BORCS5: variants seen among roughly 807,000 people sequenced by gnomAD.
The protein encoded by BORCS5 is BLOC-1-related complex subunit 5.
In BORCS5, 17 loss-of-function variants were observed where a neutral mutation model predicts 22.1. The observed-to-expected ratio is 0.77, with a 90% CI of 0.53 to 1.15. The LOEUF (loss-of-function observed/expected upper bound fraction) is 1.15, where lower values mean the gene tolerates loss of function less well. Among genes scored for constraint, BORCS5 ranks in the 50% most tolerant of loss-of-function variants. The pLI is 0.00. For synonymous variants in BORCS5, 117 were observed against 99.8 expected, an observed-to-expected ratio of 1.17 and a Z score of -1.03; for missense variants, 247 against 253.2, an observed-to-expected ratio of 0.98 and a Z score of 0.17.
In BORCS5 at chr12:12,390,621, C is replaced by CTT. The variant is rs35168426; in HGVS notation, c.202+29283_202+29284dup. Among the ~76,000 whole-genome samples, 875 of 144,134 alleles carry CTT rather than the reference C, an allele frequency of 6.1e-3. 9 individuals carry two copies. Among genetic ancestry groups the CTT allele is most frequent in the African/African-American group, 0.016 (631 of 39,044 alleles). 94.6% of individuals were successfully genotyped at this position (144,134 alleles called of 152,430 possible). On this transcript the variant is annotated intron_variant, in intron 2 of 3. Coordinates refer to ENST00000314565, the MANE Select transcript of BORCS5 (RefSeq NM_058169.6). The stretch of plus-strand genomic sequence containing the variant: ...GGTCAACATAGCAAGACCTTATCTC[C>CTT]TTTTTTTTTTTTGACCTTATCTCAA...
At chr12:12,368,622 T>TTA (rs61705812) in intron 2 of BORCS5, among the ~76,000 whole-genome samples, 3 of 149,672 alleles carry the variant, frequency 2.0e-5, no homozygotes, top group African/African-American at 7.5e-5. Flanking sequence ...TTTTTTTTTT[T>TTA]AATTTAGAGA....
chr12:12,370,863 C>G (rs1374293637), intron 2 of BORCS5, among the ~76,000 whole-genome samples: 1 of 152,026 alleles, frequency 6.6e-6, no homozygotes, highest in Non-Finnish European at 1.5e-5. Context: ...ATTCTCCTGC[C>G]TCAGCCTGCC....
chr12:12,411,561 G>A (rs945478992), intron 2 of BORCS5, among the ~76,000 whole-genome samples: 2 of 152,030 alleles, frequency 1.3e-5, no homozygotes. Flanking sequence ...TTTGTGGGCT[G>A]CCTTTTTACT....
chr12:12,407,714 T>G (rs1182704852), intron 2 of BORCS5, among the ~76,000 whole-genome samples: 1 of 150,940 alleles, frequency 6.6e-6, no homozygotes, highest in South Asian at 2.1e-4. Context: ...TTTTGTTTTT[T>G]TTTTTTTTTG....
chr12:12,452,060 C>A (rs1268318572), intron 3 of BORCS5: 2 of 424,070 alleles, frequency 4.7e-6, no homozygotes, highest in Non-Finnish European at 9.1e-6. Context: ...ACTTACGTGA[C>A]TTTCCCCCCT....
At chr12:12,440,264 A>T (rs985549966) in intron 3 of BORCS5, among the ~76,000 whole-genome samples, 4 of 152,216 alleles carry the variant, frequency 2.6e-5, no homozygotes, top group Admixed American at 2.6e-4. Flanking sequence ...TGTGTATGTG[A>T]GGGAGAAGAA....
chr12:12,401,954 T>C (rs1941488917), intron 2 of BORCS5, among the ~76,000 whole-genome samples: 2 of 150,988 alleles, frequency 1.3e-5, no homozygotes, highest in South Asian at 4.2e-4. Context: ...TAGTCCCAGC[T>C]ACTCAGGAGG....
chr12:12,406,301 TGTGTGG>T (rs1941593384), intron 2 of BORCS5, among the ~76,000 whole-genome samples: 1 of 152,236 alleles, frequency 6.6e-6, no homozygotes, highest in Admixed American at 6.5e-5. Context: ...GTAGACTTCG[TGTGTGG>T]AAAAGTTAGT....
At position 12,466,857 on chromosome 12, in the gene BORCS5, A is replaced by G. The variant is rs1215556296; in HGVS notation, c.*1081A>G. 1 of 152,206 alleles carries G rather than the reference A, an allele frequency of 6.6e-6. No homozygotes were observed. The highest frequency in any genetic ancestry group is 6.5e-5 in the Admixed American group (1 of 15,284). 9.4% of individuals were successfully genotyped at this position (152,206 alleles called of 1,614,324 possible). A position where few individuals can be genotyped will look rare whatever the true frequency, so the allele number is the denominator to read the frequency against. ...CGGGAGGTGTGTTTTCAGATACCAGAAAGAGCCTTCAGTAGATTCACAAGA... is the reference window on the plus strand; with the variant it reads ...CGGGAGGTGTGTTTTCAGATACCAGGAAGAGCCTTCAGTAGATTCACAAGA... On this transcript the variant is annotated 3_prime_UTR_variant, in exon 4 of 4. Transcript: ENST00000314565.
chr12:12,368,255 C>T (rs1049641897), intron 2 of BORCS5, among the ~76,000 whole-genome samples: 1 of 151,480 alleles, frequency 6.6e-6, no homozygotes, highest in African/African-American at 2.4e-5. Flanking sequence ...TTTATGATAC[C>T]TCCCCACCCA....
chr12:12,457,428 G>C (rs1048983252), intron 3 of BORCS5, among the ~76,000 whole-genome samples: 7 of 152,244 alleles, frequency 4.6e-5, no homozygotes, highest in African/African-American at 1.7e-4. Flanking sequence ...CCAGCACTTT[G>C]GGAGGCCGAG....
intron 2 of BORCS5, among the ~76,000 whole-genome samples, chr12:12,406,478 T>G (rs1941597909): frequency 6.6e-6 from 1 of 152,224 alleles, no homozygotes; most frequent in East Asian, 1.9e-4. Flanking sequence ...GAACCCATGA[T>G]GAGTTAACAC....
chr12:12,451,779 G>A (rs945350252), intron 3 of BORCS5, among the ~76,000 whole-genome samples: 2 of 151,834 alleles, frequency 1.3e-5, no homozygotes, highest in Non-Finnish European at 1.5e-5. Flanking sequence ...TTAGCTGGGC[G>A]TGGTGGCGCT....
chr12:12,412,583 C>A (rs958582190), intron 2 of BORCS5, among the ~76,000 whole-genome samples: 2 of 152,046 alleles, frequency 1.3e-5, no homozygotes, highest in African/African-American at 4.8e-5. Context: ...AATTTAACTT[C>A]TTTCTTTCTA....
At chr12:12,464,253 C>A (rs1030169029) in intron 3 of BORCS5, among the ~76,000 whole-genome samples, 1 of 151,994 alleles carries the variant, frequency 6.6e-6, no homozygotes, top group Non-Finnish European at 1.5e-5. Flanking sequence ...AGCTGCTCCT[C>A]CTGCCCTGCA....
At chr12:12,455,806 T>G (rs1482485140) in intron 3 of BORCS5, among the ~76,000 whole-genome samples, 2 of 151,318 alleles carry the variant, frequency 1.3e-5, no homozygotes, top group African/African-American at 4.9e-5. Context: ...CAGTCTTGAT[T>G]AAGTCCATAT....
chr12:12,417,987 CATTTATTT>C (rs144698905), intron 2 of BORCS5, among the ~76,000 whole-genome samples: 63,962 of 138,328 alleles, frequency 0.46, 15,871 homozygotes, highest in Middle Eastern at 0.54. Context: ...TATATCAAAC[CATTTATTT>C]ATTTATTTAT....
At chr12:12,403,958 C>A (rs965852608) in intron 2 of BORCS5, among the ~76,000 whole-genome samples, 2 of 152,160 alleles carry the variant, frequency 1.3e-5, no homozygotes, top group African/African-American at 4.8e-5. Context: ...TTTGGTATCA[C>A]TTTTATCTTG....
intron 2 of BORCS5, among the ~76,000 whole-genome samples, chr12:12,387,856 T>C (rs941572413): frequency 6.6e-6 from 1 of 151,428 alleles, no homozygotes; most frequent in Non-Finnish European, 1.5e-5. Context: ...GTTTCTAGCT[T>C]GTTGAAGCCT....
Sources: gnomAD v4.1 joint callset for allele counts (sites outside exome capture counted in the v4.1 genomes callset) on GRCh38, gnomAD v4.1.1 for gene constraint, MANE v1.5 for transcripts, NCBI Gene and HGNC (gene_info 2026-07-23, HGNC 2026-07-21) for gene names.